The following NKAIN3 variants were observed in gnomAD, a reference collection of about 807,000 sequenced individuals.
The protein encoded by NKAIN3 is sodium/potassium-transporting ATPase subunit beta-1-interacting protein 3.
NKAIN3 carries 25 observed loss-of-function variants against 30.2 expected under a neutral mutation model. That is an observed-to-expected ratio of 0.83 (90% CI 0.60 to 1.16). The LOEUF (loss-of-function observed/expected upper bound fraction) is 1.16. Among genes scored for constraint, NKAIN3 ranks in the 50% most tolerant of loss-of-function variants. NKAIN3 has a pLI of 0.00. For missense variants in NKAIN3, 225 were observed against 254.1 expected, an observed-to-expected ratio of 0.89 and a Z score of 0.78; for synonymous variants, 91 against 89.6, an observed-to-expected ratio of 1.02 and a Z score of -0.09.
intron 1 of NKAIN3, among the ~76,000 whole-genome samples, chr8:62,381,438 A>G (rs1300315335): frequency 6.6e-6 from 1 of 152,146 alleles, no homozygotes; most frequent in African/African-American, 2.4e-5. Flanking sequence ...CTCGAAAGTC[A>G]AGCTTCTTAT....
chr8:62,928,216 T>C (rs1313578195), intron 5 of NKAIN3, among the ~76,000 whole-genome samples: 1 of 152,234 alleles, frequency 6.6e-6, no homozygotes, highest in Non-Finnish European at 1.5e-5. Context: ...TTCTAAATTG[T>C]ATAAGACACA....
intron 4 of NKAIN3, chr8:62,863,990 CT>C: frequency 2.6e-6 from 2 of 766,422 alleles, no homozygotes; most frequent in Non-Finnish European, 4.7e-6. Context: ...ACTAAAGGAG[CT>C]TTCTGTTGAG....
intron 4 of NKAIN3, among the ~76,000 whole-genome samples, chr8:62,778,360 A>C (rs1817252126): frequency 6.6e-6 from 1 of 152,116 alleles, no homozygotes; most frequent in Admixed American, 6.5e-5. Flanking sequence ...TCAGAAACTT[A>C]AGGAATCTAC....
intron 4 of NKAIN3, among the ~76,000 whole-genome samples, chr8:62,772,010 T>C (rs1210402525): frequency 6.6e-6 from 1 of 152,120 alleles, no homozygotes; most frequent in Non-Finnish European, 1.5e-5. Context: ...ATTTTATTTA[T>C]CCTATCTAAC....
chr8:62,258,990 T>C (rs1336443464), intron 1 of NKAIN3, among the ~76,000 whole-genome samples: 1 of 152,194 alleles, frequency 6.6e-6, no homozygotes, highest in African/African-American at 2.4e-5. Flanking sequence ...AAGGTGTTCA[T>C]GTGTTACACA....
At chr8:62,961,439 G>C (rs907938346) in intron 6 of NKAIN3, among the ~76,000 whole-genome samples, 1 of 152,048 alleles carries the variant, frequency 6.6e-6, no homozygotes, top group African/African-American at 2.4e-5. Flanking sequence ...TCACCACAAG[G>C]AAGCAATCAG....
chr8:62,887,932 T>C (rs1206563227), intron 4 of NKAIN3, among the ~76,000 whole-genome samples: 1 of 152,184 alleles, frequency 6.6e-6, no homozygotes, highest in Non-Finnish European at 1.5e-5. Context: ...AGTTCTCTTT[T>C]AGTATGCCTT....
chr8:62,252,567 C>T (rs1228511789), intron 1 of NKAIN3, among the ~76,000 whole-genome samples: 1 of 151,786 alleles, frequency 6.6e-6, no homozygotes, highest in African/African-American at 2.4e-5. Flanking sequence ...GGCTTCTGCC[C>T]TCAAGATGTT....
chr8:62,784,965 T>C (rs1817468041), intron 4 of NKAIN3, among the ~76,000 whole-genome samples: 1 of 152,170 alleles, frequency 6.6e-6, no homozygotes, highest in Admixed American at 6.6e-5. Context: ...GTTACAAATG[T>C]GGGTGAAGAT....
intron 1 of NKAIN3, among the ~76,000 whole-genome samples, chr8:62,396,697 C>A (rs1817778151): frequency 1.3e-5 from 2 of 152,168 alleles, no homozygotes; most frequent in Admixed American, 1.3e-4. Flanking sequence ...AACCAAATTA[C>A]AAAATTTACA....
intron 1 of NKAIN3, among the ~76,000 whole-genome samples, chr8:62,454,544 G>T (rs1007899013): frequency 3.9e-5 from 4 of 102,860 alleles, no homozygotes; most frequent in African/African-American, 1.5e-4. Context: ...AAATTGAACT[G>T]TCATTCATGC....
intron 4 of NKAIN3, among the ~76,000 whole-genome samples, chr8:62,905,768 C>A (rs1236948773): frequency 6.6e-6 from 1 of 152,162 alleles, no homozygotes; most frequent in Non-Finnish European, 1.5e-5. Flanking sequence ...TCTGGTCAGT[C>A]CTTTTTGGTC....
intron 3 of NKAIN3, among the ~76,000 whole-genome samples, chr8:62,732,141 A>G (rs556327307): frequency 2.0e-5 from 3 of 152,112 alleles, no homozygotes; most frequent in Non-Finnish European, 4.4e-5. Context: ...AGAATATTGC[A>G]CTTATGACCC....
At chr8:62,775,995 G>A (rs1198429636) in intron 4 of NKAIN3, among the ~76,000 whole-genome samples, 1 of 151,984 alleles carries the variant, frequency 6.6e-6, no homozygotes, top group Non-Finnish European at 1.5e-5. Flanking sequence ...TCCACCTGCT[G>A]AATTGACCTC....
At position 62,970,488 on chromosome 8, in the gene NKAIN3, A is replaced by G. The variant is rs1268208740; in HGVS notation, c.*5081A>G. Among the ~76,000 whole-genome samples, 2 of 152,158 alleles carry G rather than the reference A, an allele frequency of 1.3e-5. No individual in the cohort carries two copies. Among genetic ancestry groups the G allele is most frequent in the African/African-American group, 4.8e-5 (2 of 41,438 alleles). ...TCATCTTTCTTGAACTTGCATTCAA[A>G]TAAAGGGTAAAAATCATGTTAAATG... On this transcript the variant is annotated 3_prime_UTR_variant, in exon 7 of 7. Coordinates refer to ENST00000623646, the MANE Select transcript of NKAIN3 (RefSeq NM_001304533.3).
chr8:62,693,271 A>C (rs1371393509), intron 3 of NKAIN3, among the ~76,000 whole-genome samples: 2 of 152,218 alleles, frequency 1.3e-5, no homozygotes, highest in African/African-American at 4.8e-5. Context: ...ATAAGTAAAA[A>C]ATTATTTTTT....
chr8:62,587,339 A>G (rs778646309), intron 2 of NKAIN3, among the ~76,000 whole-genome samples: 2 of 152,056 alleles, frequency 1.3e-5, no homozygotes, highest in Non-Finnish European at 2.9e-5. Flanking sequence ...AGAAGATATT[A>G]CACAATATTG....
chr8:62,995,065 A>T (rs567951633), intron 5 of NKAIN3, among the ~76,000 whole-genome samples: 1 of 152,218 alleles, frequency 6.6e-6, no homozygotes, highest in Admixed American at 6.5e-5. Flanking sequence ...GAAAAATTTG[A>T]AAAACTACTT....
chr8:62,581,498 A>G (rs1484518226), intron 2 of NKAIN3, among the ~76,000 whole-genome samples: 1 of 152,208 alleles, frequency 6.6e-6, no homozygotes, highest in Non-Finnish European at 1.5e-5. Context: ...CACTATTCAC[A>G]TAACTGCTGC....
Sources: gnomAD v4.1 joint callset for allele counts (sites outside exome capture counted in the v4.1 genomes callset) on GRCh38, gnomAD v4.1.1 for gene constraint, MANE v1.5 for transcripts, NCBI Gene and HGNC (gene_info 2026-07-23, HGNC 2026-07-21) for gene names.